The following NFATC1 variants were observed in gnomAD, a reference collection of about 807,000 sequenced individuals.
The protein encoded by NFATC1 is nuclear factor of activated T-cells, cytoplasmic 1.
Under a neutral mutation model 76.0 loss-of-function variants are expected in NFATC1, and 22 were observed. The ratio of observed to expected loss-of-function variants is 0.29; its 90% CI spans 0.21 to 0.41. The LOEUF (loss-of-function observed/expected upper bound fraction) is 0.41. Among genes scored for constraint, NFATC1 ranks in the 10% least tolerant of loss-of-function variants. The pLI is 1.00. For missense variants in NFATC1, 1,357 were observed against 1,337.7 expected (o/e 1.01, Z -0.23); for synonymous variants, 704 against 613.1 (o/e 1.15, Z -2.19).
chr18:79,469,624 T>A (rs926979236), intron 8 of NFATC1: 6 of 985,838 alleles, frequency 6.1e-6, no homozygotes, highest in Non-Finnish European at 7.2e-6. Context: ...CCCTGCCCAG[T>A]GTCTCGGCTG....
chr18:79,510,843 ATCCTCT>A (rs2090228307), intron 9 of NFATC1, among the ~76,000 whole-genome samples: 1 of 149,120 alleles, frequency 6.7e-6, no homozygotes, highest in Non-Finnish European at 1.5e-5. Flanking sequence ...CTGCCGGGGC[ATCCTCT>A]GCCGGGGCAT....
intron 1 of NFATC1, among the ~76,000 whole-genome samples, chr18:79,404,369 C>T (rs1568914996): frequency 6.6e-6 from 1 of 152,258 alleles, no homozygotes; most frequent in Non-Finnish European, 1.5e-5. Context: ...GAAGCTGTTG[C>T]TGTCTGTCAT....
intron 3 of NFATC1, among the ~76,000 whole-genome samples, chr18:79,442,057 G>A (rs555135927): frequency 5.6e-4 from 85 of 152,258 alleles, no homozygotes; most frequent in African/African-American, 2.0e-3. Context: ...CGTGCCGAGC[G>A]CCATTGCCTC....
Position 79,495,304 on chromosome 18 carries a change from C to T in NFATC1, c.2782+8367C>T, listed in dbSNP as rs147788396. 9.8e-5 allele frequency among the ~76,000 whole-genome samples: 15 copies of T among 152,346 alleles called. No individual in the cohort carries two copies. In the East Asian group the frequency reaches 2.9e-3, roughly 29 times the overall value. On this transcript the variant is annotated intron_variant, in intron 9 of 9. Coordinates refer to ENST00000427363, the MANE Select transcript of NFATC1 (RefSeq NM_001278669.2). ...TCCTTGGGGCCTGTGAGGTTCTGGG[C>T]ACTTTTTTAAATTGCCTGAAGATAT...
chr18:79,406,022 C>T (rs1051819553), intron 1 of NFATC1, among the ~76,000 whole-genome samples: 1 of 152,132 alleles, frequency 6.6e-6, no homozygotes, highest in Non-Finnish European at 1.5e-5. Flanking sequence ...CTTTCCTGCC[C>T]CGTTTCATCT....
At chr18:79,505,491 T>G (rs533594006) in intron 9 of NFATC1, among the ~76,000 whole-genome samples, 27 of 15,636 alleles carry the variant, frequency 1.7e-3, no homozygotes, top group East Asian at 5.3e-3. Context: ...CCTTGGGTGA[T>G]GGAAGAGGCA....
chr18:79,495,695 T>C (rs2089861381), intron 9 of NFATC1, among the ~76,000 whole-genome samples: 1 of 152,266 alleles, frequency 6.6e-6, no homozygotes, highest in Non-Finnish European at 1.5e-5. Flanking sequence ...ACTGCGCGTC[T>C]GGGCAGTGTG....
At chr18:79,408,582 G>A (rs903385319) in intron 1 of NFATC1, among the ~76,000 whole-genome samples, 2 of 152,244 alleles carry the variant, frequency 1.3e-5, no homozygotes, top group African/African-American at 2.4e-5. Flanking sequence ...ATCTCCATGA[G>A]GGGGATTTCA....
intron 9 of NFATC1, among the ~76,000 whole-genome samples, chr18:79,487,145 C>T (rs956926528): frequency 1.3e-5 from 2 of 152,146 alleles, no homozygotes; most frequent in African/African-American, 4.8e-5. Flanking sequence ...AGATCTGCTC[C>T]GGTGGTCGCA....
chr18:79,424,975 C>CTG (rs1555902802), intron 2 of NFATC1, among the ~76,000 whole-genome samples: 48 of 145,298 alleles, frequency 3.3e-4, no homozygotes, highest in Admixed American at 5.4e-4. Flanking sequence ...CCGTCTCTGT[C>CTG]TCTCTGTCTC....
intron 2 of NFATC1, among the ~76,000 whole-genome samples, chr18:79,415,073 T>C (rs916307060): frequency 6.6e-6 from 1 of 152,194 alleles, no homozygotes; most frequent in Non-Finnish European, 1.5e-5. Context: ...TGTCCAGGTC[T>C]GTCTGTGCCG....
At chr18:79,513,723 G>C (rs1461729587) in intron 9 of NFATC1, among the ~76,000 whole-genome samples, 4 of 152,234 alleles carry the variant, frequency 2.6e-5, no homozygotes, top group Non-Finnish European at 4.4e-5. Flanking sequence ...CATTACTGGG[G>C]CTGCATCTGC....
chr18:79,423,650 G>T (rs1264770341), intron 2 of NFATC1, among the ~76,000 whole-genome samples: 1 of 152,186 alleles, frequency 6.6e-6, no homozygotes, highest in Non-Finnish European at 1.5e-5. Flanking sequence ...TGCAGGGGCT[G>T]CCCCTGCATC....
At chr18:79,431,809 TCTC>T (rs2144654642) in intron 2 of NFATC1, among the ~76,000 whole-genome samples, 1 of 152,228 alleles carries the variant, frequency 6.6e-6, no homozygotes, top group South Asian at 2.1e-4. Context: ...TATAAGCAAT[TCTC>T]CTCCCTCAGC....
chr18:79,411,937 C>T (rs952296876), intron 2 of NFATC1, among the ~76,000 whole-genome samples: 1 of 152,212 alleles, frequency 6.6e-6, no homozygotes, highest in Admixed American at 6.5e-5. Flanking sequence ...CCTGGCCCCC[C>T]TCGGTGGTTG....
At chr18:79,436,584 T>C (rs1600707957) in intron 3 of NFATC1, among the ~76,000 whole-genome samples, 1 of 152,182 alleles carries the variant, frequency 6.6e-6, no homozygotes, top group Non-Finnish European at 1.5e-5. Flanking sequence ...CCCATCCCCA[T>C]GTGTTTCGCA....
intron 8 of NFATC1, among the ~76,000 whole-genome samples, chr18:79,483,732 G>GGGTGTCACTCCGGCGTGACCTCGT (rs2089403082): frequency 7.2e-6 from 1 of 139,482 alleles, no homozygotes; most frequent in African/African-American, 2.8e-5. Context: ...GCGTGACCTG[G>GGGTGTCACTCCGGCGTGACCTCGT]TCCTGGGGTG....
At chr18:79,443,108 G>A (rs552384563) in intron 3 of NFATC1, among the ~76,000 whole-genome samples, 22 of 152,358 alleles carry the variant, frequency 1.4e-4, no homozygotes, top group African/African-American at 4.1e-4. Context: ...TGTGCGGGGC[G>A]GCGAGTCCCT....
chr18:79,465,579 T>C lies in NFATC1; in HGVS notation c.1960-1871T>C, dbSNP rs948962501. Among the ~76,000 whole-genome samples, 1 of 151,790 alleles carries C rather than the reference T, an allele frequency of 6.6e-6. No individual in the cohort carries two copies. Among genetic ancestry groups the C allele is most frequent in the Non-Finnish European group, 1.5e-5 (1 of 67,888 alleles). On this transcript the variant is annotated intron_variant, in intron 7 of 9. Coordinates refer to ENST00000427363, the MANE Select transcript of NFATC1 (RefSeq NM_001278669.2). The surrounding 1 kb of genome is among the most constrained non-coding windows in gnomAD (Gnocchi z 4.2). ...CTCCACCCCAGCCTGTCCCGTGGGG[T>C]CCCCGCCTCCCCACTCCTCGCTGCT...
Sources: allele counts gnomAD v4.1 joint callset (sites outside exome capture counted in the v4.1 genomes callset), GRCh38; gene constraint gnomAD v4.1.1; non-coding constraint Gnocchi (gnomAD v3.1); transcripts MANE v1.5; gene names NCBI Gene and HGNC (gene_info 2026-07-23, HGNC 2026-07-21).